TMEM135: variants seen among roughly 807,000 people sequenced by gnomAD.
TMEM135 encodes the protein transmembrane protein 135, also known as peroxisomal membrane protein 52.
In TMEM135, 30 loss-of-function variants were observed where a neutral mutation model predicts 60.3. That is an observed-to-expected ratio of 0.50 (90% confidence interval 0.37 to 0.68). TMEM135 has a LOEUF of 0.68. Among genes scored for constraint, TMEM135 ranks in the 30% least tolerant of loss-of-function variants. TMEM135 has a pLI of 0.00. For missense variants in TMEM135, 468 were observed against 548.8 expected (o/e 0.85, Z 1.47); for synonymous variants, 190 against 186.7 (o/e 1.02, Z -0.14).
intron 4 of TMEM135, among the ~76,000 whole-genome samples, chr11:87,137,266 T>TAA (rs11424292): frequency 3.5e-4 from 51 of 147,068 alleles, no homozygotes; most frequent in Middle Eastern, 3.5e-3. Context: ...TGCCTATATC[T>TAA]AAAAAAAAAA....
At chr11:87,180,269 CT>C (rs1302140170) in intron 5 of TMEM135, among the ~76,000 whole-genome samples, 1 of 152,046 alleles carries the variant, frequency 6.6e-6, no homozygotes, top group East Asian at 1.9e-4. Context: ...GAAAGATAAT[CT>C]TTTTCTTTGA....
At chr11:87,157,629 T>C in intron 5 of TMEM135, 1 of 455,740 alleles carries the variant, frequency 2.2e-6, no homozygotes, top group Non-Finnish European at 4.0e-6. Context: ...CCTTTAGTTA[T>C]CAAATATCTT....
chr11:87,038,629 T>TTTTA (rs1286519817), intron 1 of TMEM135, among the ~76,000 whole-genome samples: 2 of 121,946 alleles, frequency 1.6e-5, no homozygotes, highest in African/African-American at 6.1e-5. Flanking sequence ...TTTTTTTTTT[T>TTTTA]AATGAAGAAG....
At chr11:87,129,319 T>A (rs1591041355) in intron 4 of TMEM135, among the ~76,000 whole-genome samples, 1 of 116,292 alleles carries the variant, frequency 8.6e-6, no homozygotes, top group African/African-American at 3.2e-5. Flanking sequence ...CTCAGCTCAC[T>A]GCAACCTCTG....
intron 10 of TMEM135, among the ~76,000 whole-genome samples, chr11:87,311,354 G>T (rs1182894081): frequency 6.6e-6 from 1 of 151,894 alleles, no homozygotes; most frequent in Non-Finnish European, 1.5e-5. Context: ...TTTCAATATG[G>T]TTTGACTAAG....
intron 5 of TMEM135, among the ~76,000 whole-genome samples, chr11:87,180,610 C>T (rs1939490857): frequency 6.6e-6 from 1 of 152,104 alleles, no homozygotes; most frequent in Non-Finnish European, 1.5e-5. Flanking sequence ...AGTTTGATAA[C>T]TGAACTACAT....
chr11:87,139,090 TAAG>T (rs1008103753), intron 4 of TMEM135, among the ~76,000 whole-genome samples: 10 of 152,194 alleles, frequency 6.6e-5, no homozygotes, highest in African/African-American at 2.4e-4. Flanking sequence ...TCTATGAATT[TAAG>T]AAGTTTATAT....
chr11:87,264,499 T>C (rs570825758), intron 6 of TMEM135, among the ~76,000 whole-genome samples: 1 of 151,954 alleles, frequency 6.6e-6, no homozygotes. Flanking sequence ...TAGTTTCTTT[T>C]TAGTAGGAAG....
At chr11:87,299,421 G>A (rs1175768242) in intron 7 of TMEM135, among the ~76,000 whole-genome samples, 1 of 152,118 alleles carries the variant, frequency 6.6e-6, no homozygotes, top group African/African-American at 2.4e-5. Context: ...ACAGCATGGG[G>A]GAAACTGACC....
In TMEM135 at chr11:87,084,626, C is replaced by T. The variant is rs982182684; in HGVS notation, c.363-6736C>T. The stretch of plus-strand genomic sequence containing the variant: ...TTGTTCTTAATACTTTTTTTGATAA[C>T]ACCCCTGGAGGTGCACAAAGTTGTA... On this transcript the variant is annotated intron_variant, in intron 3 of 14. Coordinates refer to ENST00000305494, the MANE Select transcript of TMEM135 (RefSeq NM_022918.4). 9.9e-5 allele frequency among the ~76,000 whole-genome samples: 15 copies of T among 152,148 alleles called. No homozygotes were observed. The East Asian group carries it at 2.7e-3, about 27-fold the overall frequency.
At chr11:87,138,506 A>G (rs1938170918) in intron 4 of TMEM135, among the ~76,000 whole-genome samples, 1 of 152,228 alleles carries the variant, frequency 6.6e-6, no homozygotes, top group South Asian at 2.1e-4. Flanking sequence ...ATACCCCAAT[A>G]TAATCAGTAA....
intron 6 of TMEM135, among the ~76,000 whole-genome samples, chr11:87,264,319 T>TTG (rs1941710227): frequency 1.3e-5 from 2 of 151,308 alleles, no homozygotes; most frequent in African/African-American, 4.8e-5. Context: ...TTTCTTTTTT[T>TTG]TTGTTGTTTG....
At chr11:87,257,841 C>T (rs1248240899) in intron 6 of TMEM135, among the ~76,000 whole-genome samples, 2 of 145,310 alleles carry the variant, frequency 1.4e-5, no homozygotes, top group South Asian at 4.2e-4. Flanking sequence ...CTGACTGATA[C>T]AGTTTAGATA....
chr11:87,232,939 T>A (rs2135369633), intron 5 of TMEM135, among the ~76,000 whole-genome samples: 1 of 152,246 alleles, frequency 6.6e-6, no homozygotes, highest in East Asian at 1.9e-4. Flanking sequence ...TCACCTGAGG[T>A]CAGGAGTTTG....
At chr11:87,060,999 C>T (rs1285697572) in intron 1 of TMEM135, among the ~76,000 whole-genome samples, 3 of 151,940 alleles carry the variant, frequency 2.0e-5, no homozygotes, top group African/African-American at 7.3e-5. Flanking sequence ...TAAAATCATG[C>T]CCAATAAAAT....
intron 5 of TMEM135, among the ~76,000 whole-genome samples, chr11:87,227,954 G>A (rs940830664): frequency 2.6e-5 from 4 of 152,078 alleles, no homozygotes; most frequent in African/African-American, 9.7e-5. Flanking sequence ...ACGTATCTAC[G>A]TATGTGGTTC....
intron 6 of TMEM135, among the ~76,000 whole-genome samples, chr11:87,288,995 A>G (rs1942216227): frequency 6.6e-6 from 1 of 152,202 alleles, no homozygotes; most frequent in South Asian, 2.1e-4. Context: ...ATAAGTAAAT[A>G]AAACAAGTAA....
chr11:87,216,318 A>G (rs891655913), intron 5 of TMEM135, among the ~76,000 whole-genome samples: 7 of 152,080 alleles, frequency 4.6e-5, no homozygotes, highest in Non-Finnish European at 1.0e-4. Flanking sequence ...AGTTAAGTGC[A>G]TGGTGGGTGT....
chr11:87,111,663 A>AGG (rs1478943688), intron 4 of TMEM135, among the ~76,000 whole-genome samples: 1 of 150,498 alleles, frequency 6.6e-6, no homozygotes, highest in African/African-American at 2.4e-5. Flanking sequence ...AAAAAAAAAA[A>AGG]AAAAAAAAGA....
Sources: allele counts gnomAD v4.1 joint callset (sites outside exome capture counted in the v4.1 genomes callset), GRCh38; gene constraint gnomAD v4.1.1; transcripts MANE v1.5; gene names NCBI Gene and HGNC (gene_info 2026-07-23, HGNC 2026-07-21).